The following TIAM1 variants were observed in gnomAD, a reference collection of about 807,000 sequenced individuals.
TIAM1 encodes the protein TIAM Rac1 associated GEF 1, also known as rho guanine nucleotide exchange factor TIAM1.
Under a neutral mutation model 163.5 loss-of-function variants are expected in TIAM1, and 65 were observed. That is an observed-to-expected ratio of 0.40 (90% confidence interval 0.33 to 0.49). The LOEUF (loss-of-function observed/expected upper bound fraction) is 0.49, where lower values mean the gene tolerates loss of function less well. Among genes scored for constraint, TIAM1 ranks in the 20% least tolerant of loss-of-function variants. The probability of loss-of-function intolerance (pLI) is 0.77; values close to 1 mark genes in which losing one functional copy is unlikely to be tolerated. For synonymous variants in TIAM1, 833 were observed against 810.1 expected (o/e 1.03, Z -0.48); for missense variants, 1,789 against 2,044.7 (o/e 0.87, Z 2.41).
In TIAM1 at chr21:31,529,198, T is replaced by C. The variant is rs149541182; in HGVS notation, c.-422+29729A>G. ...CCTCCCAAAGTGCTGGGATTACAGGTGTGAGCCACCGCGCCCAGCCGAAAT... is the reference window on the plus strand; with the variant it reads ...CCTCCCAAAGTGCTGGGATTACAGGCGTGAGCCACCGCGCCCAGCCGAAAT... On this transcript the variant is annotated intron_variant, in intron 1 of 28. Transcript: ENST00000286827. Among the ~76,000 whole-genome samples, 73 of 151,932 alleles carry C rather than the reference T, an allele frequency of 4.8e-4. No individual in the cohort carries two copies. In the East Asian group the frequency reaches 0.01, roughly 22 times the overall value.
chr21:31,346,999 TGG>T (rs1001093217), upstream of TIAM1, among the ~76,000 whole-genome samples: 7 of 152,124 alleles, frequency 4.6e-5, no homozygotes, highest in East Asian at 1.4e-3. Context: ...AAAGGGGACG[TGG>T]GGGAACAGTA....
chr21:31,337,518 G>GTT (rs139117633), intron 2 of TIAM1, among the ~76,000 whole-genome samples: 3 of 147,258 alleles, frequency 2.0e-5, no homozygotes, highest in Non-Finnish European at 4.5e-5. Flanking sequence ...TATTATTGTT[G>GTT]TTATTATTAT....
In TIAM1 at chr21:31,473,937, C is replaced by T. The variant is rs138268943; in HGVS notation, c.-421-9902G>A. On this transcript the variant is annotated intron_variant, in intron 1 of 28. Coordinates refer to the TIAM1 transcript ENST00000286827. Reference sequence around the variant, plus strand: ...TTACAAAGAAAAGAGGTTTATTTGGCGCACAGTTCTGCAGGCTGCACAAGA... The same window carrying T: ...TTACAAAGAAAAGAGGTTTATTTGGTGCACAGTTCTGCAGGCTGCACAAGA... 2.1e-3 allele frequency among the ~76,000 whole-genome samples: 317 copies of T among 152,254 alleles called. 2 individuals are homozygous for T. The highest frequency in any genetic ancestry group is 7.2e-3 in the African/African-American group (300 of 41,546).
intron 2 of TIAM1, among the ~76,000 whole-genome samples, chr21:31,292,400 T>C (rs565304030): frequency 6.6e-6 from 1 of 151,430 alleles, no homozygotes; most frequent in East Asian, 1.9e-4. Context: ...GACAGAGTCT[T>C]GCTCTGTGGC....
At chr21:31,227,309 T>G (rs2088048024) in intron 6 of TIAM1, among the ~76,000 whole-genome samples, 1 of 152,154 alleles carries the variant, frequency 6.6e-6, no homozygotes, top group African/African-American at 2.4e-5. Flanking sequence ...GACACTGTGC[T>G]GGCTGGCAGC....
chr21:31,407,082 G>A (rs76913053), intron 2 of TIAM1, among the ~76,000 whole-genome samples: 2,636 of 152,262 alleles, frequency 0.017, 40 homozygotes, highest in South Asian at 0.039. Context: ...GCAGAGCTCC[G>A]TGCCATATTG....
chr21:31,413,264 CTTTTTTTT>C (rs397866519), intron 2 of TIAM1, among the ~76,000 whole-genome samples: 5 of 87,876 alleles, frequency 5.7e-5, no homozygotes, highest in African/African-American at 1.0e-4. Flanking sequence ...CTTTTCTTTT[CTTTTTTTT>C]TTTTTTTTTT....
chr21:31,151,024 A>G (rs951993079), intron 19 of TIAM1, among the ~76,000 whole-genome samples: 3 of 152,376 alleles, frequency 2.0e-5, no homozygotes, highest in Admixed American at 6.5e-5. Context: ...AATTAAAATT[A>G]GAACCATAAT....
chr21:31,334,048 T>A (rs1250478672), intron 2 of TIAM1, among the ~76,000 whole-genome samples: 3 of 152,326 alleles, frequency 2.0e-5, no homozygotes, highest in Admixed American at 1.3e-4. Flanking sequence ...GAGGTGAAAA[T>A]CGGAAACGCT....
chr21:31,226,047 G>A lies in TIAM1; in HGVS notation c.1585-97C>T, dbSNP rs112920485. ...TCCAGAGAAGCAATGCCTGGGAGTCGAGGTGACAGGTCTAGACACCCATGG... is the reference window on the plus strand; with the variant it reads ...TCCAGAGAAGCAATGCCTGGGAGTCAAGGTGACAGGTCTAGACACCCATGG... On this transcript the variant is annotated intron_variant, in intron 6 of 27. Transcript: ENST00000541036. 6.7e-5 allele frequency: 70 copies of A among 1,043,806 alleles called. No individual in the cohort carries two copies. In the African/African-American group the frequency reaches 8.4e-4, roughly 13 times the overall value. 64.7% of individuals were successfully genotyped at this position (1,043,806 alleles called of 1,614,324 possible).
chr21:31,143,461 T>TAC (rs1307872955), intron 20 of TIAM1, among the ~76,000 whole-genome samples: 1 of 151,088 alleles, frequency 6.6e-6, no homozygotes, highest in East Asian at 1.9e-4. Context: ...TTTATATATA[T>TAC]ATATACACAC....
intron 15 of TIAM1, among the ~76,000 whole-genome samples, chr21:31,180,340 T>G (rs1244018099): frequency 6.6e-6 from 1 of 152,120 alleles, no homozygotes; most frequent in Non-Finnish European, 1.5e-5. Flanking sequence ...GGCCATAGAG[T>G]AAACACTTTT....
chr21:31,124,597 A>G lies in TIAM1; in HGVS notation c.4231T>C (p.Ser1411Pro), dbSNP rs1259522714. ...QLLKTESLPSSQQYVPFGGKR... is the reference protein window; with the variant it reads ...QLLKTESLPSPQQYVPFGGKR... ...CCTCCAAAAGGGACATATTGCTGGGATGAGGGAAGGCTCTCGGTTTTGAGG... is the reference window on the plus strand; with the variant it reads ...CCTCCAAAAGGGACATATTGCTGGGGTGAGGGAAGGCTCTCGGTTTTGAGG... The change falls in exon 27 of 28, where the codon TCC (serine) becomes CCC (proline). Residue 1411 changes from serine (S) to proline (P), a missense_variant. Ser to Pro is a moderately conservative substitution (Grantham distance 74). Around this residue, in one of 5 missense-constraint regions of TIAM1, gnomAD observed 415 missense variants for 439.2 expected, o/e 0.94. Transcript: ENST00000541036. 1.2e-6 allele frequency: 2 copies of G among 1,613,914 alleles called. No individual in the cohort carries two copies. Among genetic ancestry groups the G allele is most frequent in the Non-Finnish European group, 1.7e-6 (2 of 1,179,928 alleles).
chr21:31,141,326 G>A lies in TIAM1; in HGVS notation c.3654C>T (p.Asp1218=), dbSNP rs375189386. The A allele has an allele frequency of 2.9e-5, 47 of 1,613,948 alleles. No individual in the cohort carries two copies. The highest frequency in any genetic ancestry group is 4.0e-5 in the African/African-American group (3 of 74,940). Residue 1218 remains aspartate (D), a splice_region_variant and synonymous_variant, in exon 21 of 28, where the codon GAC becomes GAT. Transcript: ENST00000541036. The surrounding 1 kb of genome is among the most constrained non-coding windows in gnomAD (Gnocchi z 4.7). ...CGGGGGTCCCAGGCCGAGGCCTACC[G>A]TCCAGGTGGTAGTGCTCCTCGCTCT... ...DAESEEHYHL[D]VAIKTMNKVA...
At chr21:31,504,931 A>G (rs993198778) in intron 1 of TIAM1, among the ~76,000 whole-genome samples, 1 of 152,236 alleles carries the variant, frequency 6.6e-6, no homozygotes, top group Admixed American at 6.5e-5. Flanking sequence ...ACTGCAAGAC[A>G]GAAATGACCA....
intron 1 of TIAM1, among the ~76,000 whole-genome samples, chr21:31,485,617 A>G (rs1053537060): frequency 6.6e-6 from 1 of 152,068 alleles, no homozygotes; most frequent in African/African-American, 2.4e-5. Flanking sequence ...AGGAACCTCA[A>G]TAAGCTCTCA....
In TIAM1 at chr21:31,225,964, A is replaced by T; in HGVS notation, c.1585-14T>A. On this transcript the variant is annotated splice_polypyrimidine_tract_variant and intron_variant, in intron 6 of 27. Transcript: ENST00000541036. ...CTGGCTAGTGGTCTGTACCAGGAAG[A>T]AGGGGCAGGAAGAAAAAGGCACCTC... The T allele has an allele frequency of 1.2e-6, 2 of 1,608,444 alleles. No individual in the cohort carries two copies. The highest frequency in any genetic ancestry group is 1.7e-6 in the Non-Finnish European group (2 of 1,176,578).
chr21:31,517,361 C>T (rs933051091), intron 1 of TIAM1, among the ~76,000 whole-genome samples: 24 of 152,088 alleles, frequency 1.6e-4, no homozygotes, highest in African/African-American at 5.6e-4. Flanking sequence ...GACGAAACCC[C>T]GTCTCTGTAA....
intron 2 of TIAM1, among the ~76,000 whole-genome samples, chr21:31,312,288 T>C (rs1465793378): frequency 1.3e-5 from 2 of 152,194 alleles, no homozygotes; most frequent in African/African-American, 2.4e-5. Flanking sequence ...GTTAACCACA[T>C]TAAACATCAG....
Sources: allele counts gnomAD v4.1 joint callset (sites outside exome capture counted in the v4.1 genomes callset), GRCh38; gene constraint gnomAD v4.1.1; regional missense constraint gnomAD v4.1.1; non-coding constraint Gnocchi (gnomAD v3.1); transcripts MANE v1.5; gene names NCBI Gene and HGNC (gene_info 2026-07-23, HGNC 2026-07-21).